NOL11: variants seen among roughly 807,000 people sequenced by gnomAD.
NOL11 encodes nucleolar protein 11.
Under a neutral mutation model 93.0 loss-of-function variants are expected in NOL11, and 42 were observed. That is an observed-to-expected ratio of 0.45 (90% CI 0.35 to 0.58). The LOEUF (loss-of-function observed/expected upper bound fraction) is 0.58. NOL11 is among the 20% of genes least tolerant of loss of function. The pLI is 0.00. For missense variants in NOL11, 775 were observed against 841.8 expected, an observed-to-expected ratio of 0.92 and a Z score of 0.98; for synonymous variants, 296 against 293.7, an observed-to-expected ratio of 1.01 and a Z score of -0.08.
rs2055205459 is a variant in NOL11, at chr17:67,736,716, G to A, written c.1105G>A (p.Gly369Arg). 1 of 1,613,414 alleles carries A rather than the reference G, an allele frequency of 6.2e-7. No individual in the cohort carries two copies. The highest frequency in any genetic ancestry group is 8.5e-7 in the Non-Finnish European group (1 of 1,179,628). The part of the protein sequence containing the change: ...FVNWETPQGC[G>R]LGFQNSEQSR... ...AAACTGGGAGACACCTCAAGGATGT[G>A]GACTTGGGTTCCAGAACTCAGAGCA... The change falls in exon 10 of 18, where the codon GGA becomes AGA. Residue 369 changes from glycine (G) to arginine (R), a missense_variant. Gly to Arg is a moderately radical substitution (Grantham distance 125). Coordinates refer to ENST00000253247, the MANE Select transcript of NOL11 (RefSeq NM_015462.5).
chr17:67,730,803 T>C (rs2055147420), intron 7 of NOL11, among the ~76,000 whole-genome samples: 1 of 152,258 alleles, frequency 6.6e-6, no homozygotes, highest in Non-Finnish European at 1.5e-5. Context: ...ATTTTAGTTA[T>C]ACTCTTTTCG....
Position 67,738,510 on chromosome 17 carries a change from C to T in NOL11, c.1763+155C>T, listed in dbSNP as rs1020588763. The T allele has an allele frequency of 6.6e-5, 40 of 601,834 alleles. No individual in the cohort carries two copies. The East Asian group carries it at 9.5e-4, about 14-fold the overall frequency. The allele number at this position is 601,834 out of a possible 1,614,324, so 37.3% of individuals were successfully genotyped here. On this transcript the variant is annotated intron_variant, in intron 14 of 17. Transcript: ENST00000253247. The stretch of plus-strand genomic sequence containing the variant: ...TGAAAATAGATTATGTTCAATGCTA[C>T]GTTAAGTAAGGTTTACTTAAACCTG...
intron 7 of NOL11, among the ~76,000 whole-genome samples, chr17:67,727,978 G>A (rs938531136): frequency 1.3e-5 from 2 of 149,538 alleles, no homozygotes; most frequent in Admixed American, 6.7e-5. Context: ...TACCATGTGC[G>A]AGCCGGGCAC....
At chr17:67,720,018 T>A in intron 3 of NOL11, 56 bp downstream of exon 3, 1 of 1,457,750 alleles carries the variant, frequency 6.9e-7, no homozygotes, top group Non-Finnish European at 9.3e-7. Context: ...ATTAGAATCA[T>A]TCATAATAAA....
At chr17:67,734,812 A>T (rs1284578239) in intron 8 of NOL11, among the ~76,000 whole-genome samples, 1 of 152,162 alleles carries the variant, frequency 6.6e-6, no homozygotes, top group Non-Finnish European at 1.5e-5. Context: ...GTGTGATCTC[A>T]TCTCTGTAAA....
intron 16 of NOL11, among the ~76,000 whole-genome samples, chr17:67,742,745 G>A (rs1200256718): frequency 6.6e-6 from 1 of 152,154 alleles, no homozygotes; most frequent in Non-Finnish European, 1.5e-5. Flanking sequence ...ATATTTGCAT[G>A]TTAACTACAC....
intron 7 of NOL11, chr17:67,726,929 T>G (rs2055100281): frequency 2.6e-5 from 6 of 227,310 alleles, no homozygotes. Context: ...CATACTAGCC[T>G]GCAGGTATTT....
Position 67,729,781 on chromosome 17 carries a change from T to G in NOL11, c.853+3133T>G, listed in dbSNP as rs2055134858. 2.0e-5 allele frequency among the ~76,000 whole-genome samples: 3 copies of G among 150,330 alleles called. No homozygotes were observed. In the South Asian group the frequency reaches 6.3e-4, roughly 32 times the overall value. On this transcript the variant is annotated intron_variant, in intron 7 of 17. Transcript: ENST00000253247. ...TTTTTAGTAGAGACGGGGTTTCACC[T>G]TGTTAGCCAGGATGGTCTCGATCCC...
chr17:67,742,532 C>T (rs935727631), intron 16 of NOL11, among the ~76,000 whole-genome samples: 1 of 152,072 alleles, frequency 6.6e-6, no homozygotes, highest in African/African-American at 2.4e-5. Context: ...TAAAGTTTTC[C>T]TCTATAACTT....
intron 7 of NOL11, among the ~76,000 whole-genome samples, chr17:67,729,197 C>T (rs530372330): frequency 6.6e-6 from 1 of 151,994 alleles, no homozygotes; most frequent in East Asian, 1.9e-4. Flanking sequence ...CAGGTTCAAG[C>T]GATTCTCCTG....
chr17:67,726,708 T>TA (rs2055097978), intron 7 of NOL11, 60 bp downstream of exon 7: 1 of 1,241,214 alleles, frequency 8.1e-7, no homozygotes, highest in African/African-American at 1.5e-5. Context: ...GTGTACCTTT[T>TA]AGTCTTCCTT....
rs571385940 is a variant in NOL11, at chr17:67,729,452, A to G, written c.853+2804A>G. 5.9e-5 allele frequency among the ~76,000 whole-genome samples: 9 copies of G among 151,804 alleles called. No homozygotes were observed. In the East Asian group the frequency reaches 1.8e-3, roughly 30 times the overall value. ...GTTTTAAAACATTTTCATTATGTCAAAAGGAACCTGTGGACCCATTAGGCA... is the reference window on the plus strand; with the variant it reads ...GTTTTAAAACATTTTCATTATGTCAGAAGGAACCTGTGGACCCATTAGGCA... On this transcript the variant is annotated intron_variant, in intron 7 of 17. Transcript: ENST00000253247.
chr17:67,720,313 T>C (rs1054020700), intron 3 of NOL11: 2 of 155,620 alleles, frequency 1.3e-5, no homozygotes, highest in African/African-American at 4.8e-5. Context: ...TTTTTTTTTT[T>C]TTTTTGAGAC....
chr17:67,734,538 G>T, intron 8 of NOL11, 99 bp downstream of exon 8: 1 of 704,574 alleles, frequency 1.4e-6, no homozygotes, highest in South Asian at 1.7e-5. Context: ...TGCCCAGGCT[G>T]GTCTTTTACT....
At chr17:67,743,699 T>C in intron 17 of NOL11, 44 bp from the exon 18 acceptor site, 2 of 1,248,106 alleles carry the variant, frequency 1.6e-6, no homozygotes, top group South Asian at 2.9e-5. Context: ...TTTGTTTCTA[T>C]GTAGACATTA....
intron 7 of NOL11, among the ~76,000 whole-genome samples, chr17:67,733,884 GGTTT>G (rs2055176880): frequency 6.6e-6 from 1 of 151,988 alleles, no homozygotes; most frequent in African/African-American, 2.4e-5. Flanking sequence ...CGTTGGATTT[GGTTT>G]GTTGGTATTT....
chr17:67,734,952 A>G (rs1221050606), intron 8 of NOL11, among the ~76,000 whole-genome samples: 2 of 152,232 alleles, frequency 1.3e-5, no homozygotes, highest in African/African-American at 2.4e-5. Context: ...ACAATTAGCT[A>G]TTTAATAAAA....
In NOL11 at chr17:67,717,957, C is replaced by T; in HGVS notation, c.10C>T (p.Leu4=). The T allele has an allele frequency of 1.9e-6, 3 of 1,614,188 alleles. No homozygotes were observed. Among genetic ancestry groups the T allele is most frequent in the Non-Finnish European group, 2.5e-6 (3 of 1,180,016 alleles). Residue 4 remains leucine (L), a synonymous_variant, in exon 1 of 18, where the codon CTG becomes TTG. Coordinates refer to ENST00000253247, the MANE Select transcript of NOL11 (RefSeq NM_015462.5). ...CTTAGGTTTGCTCAAAATGGCAGCG[C>T]TGGAGGAAGAATTCACGTTGTCTTC... MAA[L]EEEFTLSSVV...
rs200082532 is a variant in NOL11, at chr17:67,738,309, A to G, written c.1717A>G (p.Lys573Glu). The change falls in exon 14 of 18, where the codon AAG becomes GAG. Residue 573 changes from lysine to glutamate, a missense_variant. Physicochemically the swap from Lys to Glu is moderately conservative, Grantham distance 56. Coordinates refer to ENST00000253247, the MANE Select transcript of NOL11 (RefSeq NM_015462.5). The part of the protein sequence containing the change: ...ELNKKPQDET[K>E]ESTSCPVVQK... The stretch of plus-strand genomic sequence containing the variant: ...AAATAAAAAGCCCCAGGACGAAACA[A>G]AGGAGAGCACTTCATGCCCTGTGGT... 1.2e-4 allele frequency: 198 copies of G among 1,614,036 alleles called. No homozygotes were observed. In the East Asian group the frequency reaches 2.7e-3, roughly 22 times the overall value.
Sources: allele counts gnomAD v4.1 joint callset (sites outside exome capture counted in the v4.1 genomes callset), GRCh38; gene constraint gnomAD v4.1.1; transcripts MANE v1.5; gene names NCBI Gene and HGNC (gene_info 2026-07-23, HGNC 2026-07-21).